TPO: variants seen among roughly 807,000 people sequenced by gnomAD.
TPO encodes thyroid microsomal antigen.
TPO carries 78 observed loss-of-function variants against 96.9 expected under a neutral mutation model. That is an observed-to-expected ratio of 0.81 (90% CI 0.67 to 0.97). The LOEUF is 0.97. Among genes scored for constraint, TPO ranks in the 50% least tolerant of loss-of-function variants. TPO has a pLI of 0.00. For synonymous variants in TPO, 547 were observed against 538.0 expected (o/e 1.02, Z -0.23); for missense variants, 1,252 against 1,274.8 (o/e 0.98, Z 0.27).
chr2:1,496,806 G>C, intron 13 of TPO, 41 bp downstream of exon 13: 1 of 1,613,554 alleles, frequency 6.2e-7, no homozygotes, highest in Non-Finnish European at 8.5e-7. Flanking sequence ...ACATCTGAAT[G>C]TTTCCGATAT....
chr2:1,388,245 A>G (rs879537639), intron 1 of TPO, among the ~76,000 whole-genome samples: 1 of 152,230 alleles, frequency 6.6e-6, no homozygotes, highest in Non-Finnish European at 1.5e-5. Context: ...CCTGTCAGAC[A>G]GGGACATTTA....
At chr2:1,487,206 T>TTC (rs1034859025) in intron 9 of TPO, among the ~76,000 whole-genome samples, 4 of 109,380 alleles carry the variant, frequency 3.7e-5, no homozygotes, top group African/African-American at 1.2e-4. Context: ...CAGCAAACGC[T>TTC]TCTTTTTTTT....
chr2:1,409,803 C>CACACACACATGCACGTGCACAT (rs1443303346), upstream of TPO, among the ~76,000 whole-genome samples: 5 of 151,558 alleles, frequency 3.3e-5, no homozygotes, highest in African/African-American at 1.2e-4. Flanking sequence ...CGCACACACA[C>CACACACACATGCACGTGCACAT]ACACACATGC....
rs182378352 is a variant in TPO, at chr2:1,462,466, C to T, written c.819+6184C>T. Among the ~76,000 whole-genome samples the T allele has an allele frequency of 7.3e-5, 11 of 151,624 alleles. No homozygotes were observed. The East Asian group carries it at 1.9e-3, about 27-fold the overall frequency. Reference sequence around the variant, plus strand: ...AATAAACACCCAATGGAATAAACACCCGATGTGAACAAGAAAATTACAAGA... The same window carrying T: ...AATAAACACCCAATGGAATAAACACTCGATGTGAACAAGAAAATTACAAGA... On this transcript the variant is annotated intron_variant, in intron 7 of 16. Transcript: ENST00000329066.
At chr2:1,469,930 C>T (rs1025198597) in intron 7 of TPO, among the ~76,000 whole-genome samples, 2 of 152,112 alleles carry the variant, frequency 1.3e-5, no homozygotes, top group African/African-American at 4.8e-5. Flanking sequence ...ACGTGAACCT[C>T]CACACACTGC....
upstream of TPO, among the ~76,000 whole-genome samples, chr2:1,412,761 A>G (rs1316111283): frequency 6.6e-6 from 1 of 152,158 alleles, no homozygotes; most frequent in Non-Finnish European, 1.5e-5. Flanking sequence ...GGAGCAGGTC[A>G]TTGAAGATGT....
chr2:1,386,506 C>G (rs1467900256), intron 1 of TPO, among the ~76,000 whole-genome samples: 5 of 152,166 alleles, frequency 3.3e-5, no homozygotes, highest in Admixed American at 6.5e-5. Flanking sequence ...GGTTTAAAGT[C>G]TGTTTTATCT....
chr2:1,389,716 A>G (rs566690390), intron 1 of TPO, among the ~76,000 whole-genome samples: 87 of 152,262 alleles, frequency 5.7e-4, no homozygotes, highest in Non-Finnish European at 1.1e-3. Flanking sequence ...CCCTCCTGGC[A>G]TCTGATGTGT....
chr2:1,390,835 T>C (rs777227871), intron 1 of TPO, among the ~76,000 whole-genome samples: 11 of 152,348 alleles, frequency 7.2e-5, no homozygotes, highest in Non-Finnish European at 1.6e-4. Context: ...ATGTCTTCTT[T>C]TGAGAAAGGT....
intron 5 of TPO, among the ~76,000 whole-genome samples, chr2:1,443,007 CG>C (rs779572878): frequency 4.6e-5 from 7 of 152,122 alleles, no homozygotes; most frequent in African/African-American, 9.7e-5. Context: ...AGGCTGAGGT[CG>C]GGGGATCGCT....
intron 1 of TPO, among the ~76,000 whole-genome samples, chr2:1,379,051 C>A (rs1429758094): frequency 3.3e-5 from 5 of 152,062 alleles, no homozygotes; most frequent in Non-Finnish European, 7.4e-5. Flanking sequence ...AGAGTGAAGG[C>A]CCCAGAACTC....
At chr2:1,498,967 G>A (rs28912987) in intron 13 of TPO, among the ~76,000 whole-genome samples, 6,999 of 151,596 alleles carry the variant, frequency 0.046, 563 homozygotes, top group African/African-American at 0.16. Flanking sequence ...AGCATGTTGC[G>A]TGTTCTACGT....
chr2:1,477,133 C>T lies in TPO; in HGVS notation c.867C>T (p.Phe289=), dbSNP rs757602334. The T allele has an allele frequency of 1.9e-6, 3 of 1,610,192 alleles. No individual in the cohort carries two copies. In the African/African-American group the frequency reaches 4.0e-5, roughly 22 times the overall value. The change falls in exon 8 of 17, where the codon TTC becomes TTT. Residue 289 remains phenylalanine (F), a synonymous_variant. Transcript: ENST00000329066. ...RPAAGTACLP[F]YRSSAACGTG... Reference sequence around the variant, plus strand: ...CCGCGGGCACCGCCTGTCTGCCCTTCTACCGCTCTTCGGCCGCCTGCGGCA... The same window carrying T: ...CCGCGGGCACCGCCTGTCTGCCCTTTTACCGCTCTTCGGCCGCCTGCGGCA...
chr2:1,422,917 G>GCTGC (rs1663920197), intron 2 of TPO, 128 bp from the exon 3 acceptor site: 6 of 958,898 alleles, frequency 6.3e-6, no homozygotes, highest in South Asian at 5.5e-5. Context: ...CCGGGACCTG[G>GCTGC]CTGCCTGCCT....
intron 1 of TPO, among the ~76,000 whole-genome samples, chr2:1,387,450 C>G (rs1661921396): frequency 6.6e-6 from 1 of 152,116 alleles, no homozygotes; most frequent in Non-Finnish European, 1.5e-5. Context: ...TCTCACTTCA[C>G]TTCATTCATT....
intron 1 of TPO, among the ~76,000 whole-genome samples, chr2:1,387,892 T>C (rs911903008): frequency 1.3e-5 from 2 of 152,222 alleles, no homozygotes; most frequent in Admixed American, 1.3e-4. Flanking sequence ...GGTTTTGGTG[T>C]GGATGTCCTT....
At chr2:1,538,404 G>A (rs1680328372) in intron 15 of TPO, among the ~76,000 whole-genome samples, 1 of 152,162 alleles carries the variant, frequency 6.6e-6, no homozygotes, top group African/African-American at 2.4e-5. Context: ...ATATGCAATT[G>A]TATAGAAAAG....
intron 5 of TPO, among the ~76,000 whole-genome samples, chr2:1,440,088 G>A (rs1222920446): frequency 6.6e-6 from 1 of 152,074 alleles, no homozygotes; most frequent in Non-Finnish European, 1.5e-5. Context: ...CATTTCCAAT[G>A]TGCTGCGTTT....
chr2:1,491,773 G>GA (rs1463297814), intron 10 of TPO, among the ~76,000 whole-genome samples: 1 of 152,200 alleles, frequency 6.6e-6, no homozygotes, highest in African/African-American at 2.4e-5. Context: ...TGATAAAGAT[G>GA]AAATTTTGTT....
Sources: allele counts gnomAD v4.1 joint callset (sites outside exome capture counted in the v4.1 genomes callset), GRCh38; gene constraint gnomAD v4.1.1; transcripts MANE v1.5; gene names NCBI Gene and HGNC (gene_info 2026-07-23, HGNC 2026-07-21).